The following ZNF706 variants were observed in gnomAD, a reference collection of about 807,000 sequenced individuals.
The protein encoded by ZNF706 is transcriptional regulator ZNF706.
A neutral mutation model predicts 9.2 loss-of-function variants in ZNF706; 4 were observed. That is an observed-to-expected ratio of 0.43 (90% CI 0.21 to 0.99). The LOEUF is 0.99. ZNF706 is among the 50% of genes least tolerant of loss of function. ZNF706 has a pLI of 0.26. For missense variants in ZNF706, 27 were observed against 87.8 expected (o/e 0.31, Z 2.77); for synonymous variants, 28 against 27.3 (o/e 1.03, Z -0.08).
chr8:101,199,878 G>A (rs1810496874), intron 3 of ZNF706, 112 bp downstream of exon 3: 2 of 715,470 alleles, frequency 2.8e-6, no homozygotes, highest in East Asian at 2.8e-5. Flanking sequence ...CTTAAAAAGG[G>A]GAAGCAATAA....
intron 1 of ZNF706, chr8:101,204,950 T>C (rs1810697999): frequency 1.0e-6 from 1 of 985,382 alleles, no homozygotes; most frequent in Non-Finnish European, 1.2e-6. Context: ...GCACCCACAG[T>C]GAGGTCTCCA....
chr8:101,201,119 A>G lies in ZNF706; in HGVS notation c.135+488T>C, dbSNP rs1810541774. On this transcript the variant is annotated intron_variant, in intron 2 of 3. Coordinates refer to ENST00000311212, the MANE Select transcript of ZNF706 (RefSeq NM_016096.5). The surrounding 1 kb of genome is among the most constrained non-coding windows in gnomAD (Gnocchi z 4.5). ...GTGTGGCATATGGTAAGCACTCAAA[A>G]GTAGCTGTTATTATTACAGTTCTTC... is the stretch of plus-strand genomic sequence containing the variant. The G allele has an allele frequency of 6.3e-6, 1 of 157,884 alleles. No homozygotes were observed. The highest frequency in any genetic ancestry group is 1.4e-5 in the Non-Finnish European group (1 of 71,152). The allele number at this position is 157,884 out of a possible 1,614,324, so 9.8% of individuals were successfully genotyped here.
At chr8:101,204,032 A>C (rs1469359926) in intron 1 of ZNF706, 4 of 152,230 alleles carry the variant, frequency 2.6e-5, no homozygotes, top group Non-Finnish European at 5.9e-5. Context: ...CAAAATAGCC[A>C]GTCTTCTCAC....
rs1159171179 is a variant in ZNF706, at chr8:101,197,948, G to A, written c.*1304C>T. 1 of 152,114 alleles carries A rather than the reference G, an allele frequency of 6.6e-6. No homozygotes were observed. The highest frequency in any genetic ancestry group is 1.5e-5 in the Non-Finnish European group (1 of 67,996). 9.4% of individuals were successfully genotyped at this position (152,114 alleles called of 1,614,324 possible). On this transcript the variant is annotated 3_prime_UTR_variant, in exon 4 of 4. Coordinates refer to ENST00000311212, the MANE Select transcript of ZNF706 (RefSeq NM_016096.5). ...TGTAATCCACAGGATCAGATAAATGGCTCTAAGCAGTTACCAGTAAGTATT... is the reference window on the plus strand; with the variant it reads ...TGTAATCCACAGGATCAGATAAATGACTCTAAGCAGTTACCAGTAAGTATT...
Position 101,201,511 on chromosome 8 carries a change from G to A in ZNF706, c.135+96C>T, listed in dbSNP as rs1292516618. ...TCAGCTCTCAAACCTACTATTTCAT[G>A]TAAAGCATCTATTTTGCCATGGTTT... On this transcript the variant is annotated intron_variant, in intron 2 of 3. Transcript: ENST00000311212. This position sits in a 1 kb window ranked among gnomAD's most constrained non-coding sequence, Gnocchi z 4.5. 1.8e-6 allele frequency: 2 copies of A among 1,094,458 alleles called. No homozygotes were observed. Among genetic ancestry groups the A allele is most frequent in the South Asian group, 1.6e-5 (1 of 62,330 alleles). The allele number at this position is 1,094,458 out of a possible 1,614,324, so 67.8% of individuals were successfully genotyped here.
Position 101,201,464 on chromosome 8 carries a change from T to C in ZNF706, c.135+143A>G. 1 of 777,542 alleles carries C rather than the reference T, an allele frequency of 1.3e-6. No individual in the cohort carries two copies. Among genetic ancestry groups the C allele is most frequent in the Middle Eastern group, 4.0e-4 (1 of 2,514 alleles). The allele number at this position is 777,542 out of a possible 1,614,324, so 48.2% of individuals were successfully genotyped here. ...AAAAAATATTTGTTTAAAGGGTGAATGAAAATAGATACCTAAAATAATCAG... is the reference window on the plus strand; with the variant it reads ...AAAAAATATTTGTTTAAAGGGTGAACGAAAATAGATACCTAAAATAATCAG... On this transcript the variant is annotated intron_variant, in intron 2 of 3. Transcript: ENST00000311212. This position sits in a 1 kb window ranked among gnomAD's most constrained non-coding sequence, Gnocchi z 4.5.
rs1199583940 is a variant in ZNF706, at chr8:101,197,534, G to T, written c.*1718C>A. ...TCCTGAATTAGTCACTAAAACAAACGAAAAAAAAAAAACCAAAACTTGTGA... is the reference window on the plus strand; with the variant it reads ...TCCTGAATTAGTCACTAAAACAAACTAAAAAAAAAAAACCAAAACTTGTGA... On this transcript the variant is annotated 3_prime_UTR_variant, in exon 4 of 4. Coordinates refer to ENST00000311212, the MANE Select transcript of ZNF706 (RefSeq NM_016096.5). 7.6e-6 allele frequency: 1 copy of T among 131,836 alleles called. No individual in the cohort carries two copies. Among genetic ancestry groups the T allele is most frequent in the Non-Finnish European group, 1.7e-5 (1 of 60,108 alleles). 8.2% of individuals were successfully genotyped at this position (131,836 alleles called of 1,614,324 possible). A position where few individuals can be genotyped will look rare whatever the true frequency, so the allele number is the denominator to read the frequency against.
intron 2 of ZNF706, chr8:101,200,895 A>G: frequency 5.2e-6 from 1 of 191,106 alleles, no homozygotes; most frequent in Non-Finnish European, 1.2e-5. Context: ...GTAGTGGTCC[A>G]GAGGGTGGAC....
chr8:101,199,959 T>C (rs1313402441), intron 3 of ZNF706, 31 bp downstream of exon 3: 13 of 1,508,020 alleles, frequency 8.6e-6, no homozygotes, highest in African/African-American at 1.4e-5. Flanking sequence ...ACCCTGTTAT[T>C]AACAAACCAA....
chr8:101,198,049 C>T lies in ZNF706; in HGVS notation c.*1203G>A, dbSNP rs1810426822. ...CAGTTTTACAAGTTAAGAGTTGACA[C>T]AAGCAAATTAGAAGAACTCTAAAAT... On this transcript the variant is annotated 3_prime_UTR_variant, in exon 4 of 4. Transcript: ENST00000311212. 2 of 152,190 alleles carry T rather than the reference C, an allele frequency of 1.3e-5. No individual in the cohort carries two copies. The highest frequency in any genetic ancestry group is 2.1e-4 in the South Asian group (1 of 4,832). 9.4% of individuals were successfully genotyped at this position (152,190 alleles called of 1,614,324 possible). A position where few individuals can be genotyped will look rare whatever the true frequency, so the allele number is the denominator to read the frequency against.
At chr8:101,200,188 C>T (rs1279178895) in intron 2 of ZNF706, 91 bp from the exon 3 acceptor site, 11 of 994,492 alleles carry the variant, frequency 1.1e-5, no homozygotes, top group Non-Finnish European at 1.7e-5. Flanking sequence ...TCAGTATAGA[C>T]AATTATCCCA....
rs1029891302 is a variant in ZNF706, at chr8:101,199,233, A to C, written c.*19T>G. 8 of 701,992 alleles carry C rather than the reference A, an allele frequency of 1.1e-5. No individual in the cohort carries two copies. The highest frequency in any genetic ancestry group is 2.1e-5 in the Non-Finnish European group (8 of 384,540). The allele number at this position is 701,992 out of a possible 1,614,324, so 43.5% of individuals were successfully genotyped here. A position where few individuals can be genotyped will look rare whatever the true frequency, so the allele number is the denominator to read the frequency against. On this transcript the variant is annotated 3_prime_UTR_variant, in exon 4 of 4. Transcript: ENST00000311212. ...CAGTAGAAGAGTCAAAGGTGTCATG[A>C]ATTCACCTATAAAACATAAGCAAAA...
rs1041682396 is a variant in ZNF706, at chr8:101,197,458, T to C, written c.*1794A>G. ...CTGAGATATAGTGTTAAATATGGTG[T>C]CTTCAGCTGCTTATAAAAAAGGGTT... On this transcript the variant is annotated 3_prime_UTR_variant, in exon 4 of 4. Transcript: ENST00000311212. 2 of 151,992 alleles carry C rather than the reference T, an allele frequency of 1.3e-5. No individual in the cohort carries two copies. Among genetic ancestry groups the C allele is most frequent in the African/African-American group, 4.8e-5 (2 of 41,340 alleles). The allele number at this position is 151,992 out of a possible 1,614,324, so 9.4% of individuals were successfully genotyped here. A position where few individuals can be genotyped will look rare whatever the true frequency, so the allele number is the denominator to read the frequency against.
chr8:101,200,965 C>A, intron 2 of ZNF706: 3 of 257,006 alleles, frequency 1.2e-5, no homozygotes, highest in Admixed American at 4.7e-5. Flanking sequence ...CTGGGAGACC[C>A]CACACAAATT....
intron 2 of ZNF706, among the ~76,000 whole-genome samples, chr8:101,200,532 T>C (rs1003855316): frequency 6.6e-6 from 1 of 152,216 alleles, no homozygotes; most frequent in African/African-American, 2.4e-5. Context: ...AATACTATAC[T>C]ATACTGACTT....
Position 101,199,016 on chromosome 8 carries a change from A to G in ZNF706, c.*236T>C, listed in dbSNP as rs1447808892. On this transcript the variant is annotated 3_prime_UTR_variant, in exon 4 of 4. Transcript: ENST00000311212. ...TCAATATAATTACAATTGTAAAAAA[A>G]TTTTTTATAACAAGGATGGACTGAT... The G allele has an allele frequency of 2.4e-6, 1 of 422,100 alleles. No individual in the cohort carries two copies. Among genetic ancestry groups the G allele is most frequent in the African/African-American group, 2.0e-5 (1 of 49,892 alleles). The allele number at this position is 422,100 out of a possible 1,614,324, so 26.1% of individuals were successfully genotyped here. A position where few individuals can be genotyped will look rare whatever the true frequency, so the allele number is the denominator to read the frequency against.
In ZNF706 at chr8:101,197,875, C is replaced by G. The variant is rs1810420110; in HGVS notation, c.*1377G>C. On this transcript the variant is annotated 3_prime_UTR_variant, in exon 4 of 4. Coordinates refer to ENST00000311212, the MANE Select transcript of ZNF706 (RefSeq NM_016096.5). ...GACAAGGTGGGCAAAATATGCAGAG[C>G]TACAAAACAAAGCAATGATAAGCTA... 6.6e-6 allele frequency: 1 copy of G among 152,118 alleles called. No individual in the cohort carries two copies. The highest frequency in any genetic ancestry group is 2.4e-5 in the African/African-American group (1 of 41,436). 9.4% of individuals were successfully genotyped at this position (152,118 alleles called of 1,614,324 possible). A position where few individuals can be genotyped will look rare whatever the true frequency, so the allele number is the denominator to read the frequency against.
chr8:101,202,162 C>A (rs1028408684), intron 1 of ZNF706, among the ~76,000 whole-genome samples: 14 of 151,756 alleles, frequency 9.2e-5, no homozygotes, highest in African/African-American at 3.4e-4. Flanking sequence ...AAATTGTGGC[C>A]AGGCGCGGTG....
At chr8:101,204,745 G>C (rs1474424098) in intron 1 of ZNF706, 2 of 985,306 alleles carry the variant, frequency 2.0e-6, no homozygotes, top group African/African-American at 3.5e-5. Flanking sequence ...AGGCGCTCTC[G>C]TAGGAGGCAA....
Sources: allele counts gnomAD v4.1 joint callset (sites outside exome capture counted in the v4.1 genomes callset), GRCh38; gene constraint gnomAD v4.1.1; non-coding constraint Gnocchi (gnomAD v3.1); transcripts MANE v1.5; gene names NCBI Gene and HGNC (gene_info 2026-07-23, HGNC 2026-07-21).